The following SHISA6 variants were observed in gnomAD, a reference collection of about 807,000 sequenced individuals.
SHISA6 encodes shisa family member 6, also known as protein shisa-6.
In SHISA6, 22 loss-of-function variants were observed where a neutral mutation model predicts 47.9. The observed-to-expected ratio is 0.46, with a 90% CI of 0.33 to 0.66. The LOEUF (loss-of-function observed/expected upper bound fraction) is 0.66. Ranked by LOEUF, SHISA6 falls within the 30% of genes least tolerant of loss-of-function variation. SHISA6 has a pLI of 0.02. For synonymous variants in SHISA6, 388 were observed against 337.8 expected (o/e 1.15, Z -1.63); for missense variants, 680 against 764.6 (o/e 0.89, Z 1.30).
Position 11,560,285 on chromosome 17 carries a change from T to A in SHISA6, c.*1981T>A, listed in dbSNP as rs2072029876. 6.6e-6 allele frequency: 1 copy of A among 152,520 alleles called. No homozygotes were observed. Among genetic ancestry groups the A allele is most frequent in the African/African-American group, 2.4e-5 (1 of 41,460 alleles). The allele number at this position is 152,520 out of a possible 1,614,324, so 9.4% of individuals were successfully genotyped here. A position where few individuals can be genotyped will look rare whatever the true frequency, so the allele number is the denominator to read the frequency against. ...AGGCTGGGGGTTGTGAAAGCCACTG[T>A]CAGACCCCACACTGGGGATGCATTC... On this transcript the variant is annotated 3_prime_UTR_variant, in exon 6 of 6. Transcript: ENST00000441885.
Position 11,252,357 on chromosome 17 carries a change from T to C in SHISA6, c.638+10297T>C, listed in dbSNP as rs957950175. Among the ~76,000 whole-genome samples, 3 of 152,338 alleles carry C rather than the reference T, an allele frequency of 2.0e-5. No individual in the cohort carries two copies. In the East Asian group the frequency reaches 5.8e-4, roughly 29 times the overall value. On this transcript the variant is annotated intron_variant, in intron 1 of 5. Transcript: ENST00000441885. ...GTCTCATTACTCAGGACATCTGTCC[T>C]CTGGACATATTCGTTGTTCCCTTAG...
At chr17:11,273,853 A>G (rs934463017) in intron 2 of SHISA6, among the ~76,000 whole-genome samples, 1 of 152,234 alleles carries the variant, frequency 6.6e-6, no homozygotes, top group Admixed American at 6.5e-5. Context: ...GTCAGAGCCC[A>G]GGCGAAACTT....
intron 3 of SHISA6, among the ~76,000 whole-genome samples, chr17:11,547,655 C>A (rs983392901): frequency 2.6e-5 from 4 of 151,880 alleles, no homozygotes; most frequent in African/African-American, 9.7e-5. Context: ...AAAACAATAA[C>A]AAATGAAACC....
chr17:11,241,557 G>C lies in SHISA6; in HGVS notation c.135G>C (p.Arg45=). 9.2e-7 allele frequency: 1 copy of C among 1,088,586 alleles called. No individual in the cohort carries two copies. The highest frequency in any genetic ancestry group is 6.0e-5 in the East Asian group (1 of 16,578). 67.4% of individuals were successfully genotyped at this position (1,088,586 alleles called of 1,614,324 possible). A position where few individuals can be genotyped will look rare whatever the true frequency, so the allele number is the denominator to read the frequency against. ...LSAGGAAVGG[R]RAGGALARGG... is the part of the protein sequence containing the mutation. ...CAGGCGGCGCTGCCGTCGGGGGCCG[G>C]AGGGCCGGGGGCGCCCTGGCACGGG... Residue 45 remains arginine, a synonymous_variant, in exon 1 of 6, where the codon CGG becomes CGC. Coordinates refer to ENST00000441885, the MANE Select transcript of SHISA6 (RefSeq NM_207386.4). This position sits in a 1 kb window ranked among gnomAD's most constrained non-coding sequence, Gnocchi z 5.5.
chr17:11,460,444 T>A (rs1915662759), intron 3 of SHISA6, among the ~76,000 whole-genome samples: 1 of 152,112 alleles, frequency 6.6e-6, no homozygotes. Flanking sequence ...CAGGCTGGAG[T>A]GCAATGGCAT....
intron 3 of SHISA6, among the ~76,000 whole-genome samples, chr17:11,517,330 C>T (rs1420187656): frequency 6.6e-6 from 1 of 152,160 alleles, no homozygotes; most frequent in Non-Finnish European, 1.5e-5. Context: ...ATGTATTCAT[C>T]TTGCACTCAG....
chr17:11,471,147 T>A (rs1915926630), intron 3 of SHISA6, among the ~76,000 whole-genome samples: 1 of 146,460 alleles, frequency 6.8e-6, no homozygotes, highest in South Asian at 2.1e-4. Context: ...AGGCGGAGGT[T>A]GCAGTGAGCC....
At chr17:11,425,028 A>T (rs997922455) in intron 3 of SHISA6, among the ~76,000 whole-genome samples, 3 of 149,438 alleles carry the variant, frequency 2.0e-5, no homozygotes, top group African/African-American at 7.4e-5. Flanking sequence ...AAAAAAAAAA[A>T]TGAGGAAATA....
At chr17:11,361,056 TG>T (rs1183071187) in intron 2 of SHISA6, among the ~76,000 whole-genome samples, 114 of 43,672 alleles carry the variant, frequency 2.6e-3, no homozygotes, top group African/African-American at 7.7e-3. Flanking sequence ...TTTTTTTTTT[TG>T]TGTGTGTGTT....
At chr17:11,306,258 T>C (rs921008121) in intron 2 of SHISA6, among the ~76,000 whole-genome samples, 3 of 152,114 alleles carry the variant, frequency 2.0e-5, no homozygotes, top group African/African-American at 7.2e-5. Flanking sequence ...GGAAAGTAAG[T>C]GATCTCAGCC....
intron 3 of SHISA6, among the ~76,000 whole-genome samples, chr17:11,484,263 A>T (rs1916289558): frequency 6.6e-6 from 1 of 152,252 alleles, no homozygotes; most frequent in Non-Finnish European, 1.5e-5. Context: ...TTCATTCAAA[A>T]ATTGTGGCTT....
rs1342298787 is a variant in SHISA6, at chr17:11,515,360, GGA to G, written c.896-36535_896-36534del. 3.4e-5 allele frequency among the ~76,000 whole-genome samples: 5 copies of G among 148,098 alleles called. No homozygotes were observed. The East Asian group carries it at 9.9e-4, about 29-fold the overall frequency. On this transcript the variant is annotated intron_variant, in intron 3 of 5. Transcript: ENST00000441885. ...AGGAAGGAAGGAAGGAAGGAAGGAA[GGA>G]AGGGAGAGAAAATGCTCCAAATAAC... is the stretch of plus-strand genomic sequence containing the variant.
At chr17:11,254,919 A>G (rs1907953121) in intron 1 of SHISA6, among the ~76,000 whole-genome samples, 1 of 152,170 alleles carries the variant, frequency 6.6e-6, no homozygotes, top group South Asian at 2.1e-4. Flanking sequence ...TTATAATTCT[A>G]TGGTAAAACC....
At chr17:11,253,457 T>C (rs1391446178) in intron 1 of SHISA6, among the ~76,000 whole-genome samples, 2 of 152,218 alleles carry the variant, frequency 1.3e-5, no homozygotes, top group African/African-American at 4.8e-5. Context: ...AGTTGGCATG[T>C]TAATTCCAAA....
Position 11,557,789 on chromosome 17 carries a change from C to G in SHISA6, c.1141C>G (p.Arg381Gly), listed in dbSNP as rs767442957. ...GGCTGACGAGTATTACATGAGACGG[C>G]GGCACCTGCCCGACCTGGCTGCCCG... ...KEADEYYMRR[R>G]HLPDLAARGT... The change falls in exon 6 of 6, where the codon CGG becomes GGG. Residue 381 changes from arginine to glycine, a missense_variant. By Grantham distance (125) the Arg-to-Gly change is moderately radical (BLOSUM62 -2). This residue lies in a region of SHISA6 where 559 missense variants were observed against 674.1 expected (regional missense o/e 0.83). Coordinates refer to ENST00000441885, the MANE Select transcript of SHISA6 (RefSeq NM_207386.4). 2.6e-6 allele frequency: 4 copies of G among 1,550,016 alleles called. No homozygotes were observed. Among genetic ancestry groups the G allele is most frequent in the Non-Finnish European group, 3.5e-6 (4 of 1,146,350 alleles).
At chr17:11,341,879 A>G (rs1266509465) in intron 2 of SHISA6, among the ~76,000 whole-genome samples, 1 of 152,142 alleles carries the variant, frequency 6.6e-6, no homozygotes, top group Admixed American at 6.6e-5. Flanking sequence ...TTAGCTACTG[A>G]TTAATTTTAC....
intron 3 of SHISA6, among the ~76,000 whole-genome samples, chr17:11,481,232 T>G (rs922964922): frequency 5.9e-5 from 9 of 151,716 alleles, no homozygotes; most frequent in African/African-American, 2.2e-4. Context: ...TGAGCCAAGA[T>G]CGCACCACTG....
intron 3 of SHISA6, among the ~76,000 whole-genome samples, chr17:11,456,285 G>A (rs1321128038): frequency 6.6e-6 from 1 of 152,182 alleles, no homozygotes; most frequent in Non-Finnish European, 1.5e-5. Context: ...TCTGCACCGA[G>A]GCACCTGGTG....
chr17:11,261,300 C>G (rs1908223926), intron 1 of SHISA6, among the ~76,000 whole-genome samples: 1 of 152,212 alleles, frequency 6.6e-6, no homozygotes, highest in African/African-American at 2.4e-5. Flanking sequence ...ATGCACTTTA[C>G]AACATGTGGC....
Sources: allele counts gnomAD v4.1 joint callset (sites outside exome capture counted in the v4.1 genomes callset), GRCh38; gene constraint gnomAD v4.1.1; regional missense constraint gnomAD v4.1.1; non-coding constraint Gnocchi (gnomAD v3.1); transcripts MANE v1.5; gene names NCBI Gene and HGNC (gene_info 2026-07-23, HGNC 2026-07-21).